Variants in RSBN1L observed in about 807,000 individuals in gnomAD.
The protein encoded by RSBN1L is lysine-specific demethylase RSBN1L.
In RSBN1L, 30 loss-of-function variants were observed where a neutral mutation model predicts 67.7. The observed-to-expected ratio is 0.44, with a 90% CI of 0.33 to 0.60. The LOEUF (loss-of-function observed/expected upper bound fraction) is 0.60, where lower values mean the gene tolerates loss of function less well. Among genes scored for constraint, RSBN1L ranks in the 20% least tolerant of loss-of-function variants. RSBN1L has a pLI of 0.02. For synonymous variants in RSBN1L, 433 were observed against 387.0 expected, an observed-to-expected ratio of 1.12 and a Z score of -1.39; for missense variants, 992 against 1,031.7, an observed-to-expected ratio of 0.96 and a Z score of 0.53.
intron 3 of RSBN1L, among the ~76,000 whole-genome samples, chr7:77,756,385 G>A (rs1240668364): frequency 1.3e-5 from 2 of 151,982 alleles, no homozygotes; most frequent in East Asian, 1.9e-4. Context: ...TACCTGCCTC[G>A]GCCTCCCAAA....
chr7:77,754,230 C>A (rs141214657), intron 3 of RSBN1L, among the ~76,000 whole-genome samples: 1 of 152,142 alleles, frequency 6.6e-6, no homozygotes, highest in Non-Finnish European at 1.5e-5. Context: ...AATCTAGAAT[C>A]GGTTTGCCAG....
intron 5 of RSBN1L, 117 bp downstream of exon 5, chr7:77,768,920 A>C: frequency 1.2e-6 from 1 of 838,170 alleles, no homozygotes; most frequent in Non-Finnish European, 1.9e-6. Flanking sequence ...TTGGAATATA[A>C]ATTTAAAAAT....
At chr7:77,740,093 A>G (rs1791389598) in intron 2 of RSBN1L, among the ~76,000 whole-genome samples, 2 of 152,038 alleles carry the variant, frequency 1.3e-5, no homozygotes, top group South Asian at 4.1e-4. Flanking sequence ...AAAATTATAT[A>G]TATGATAAAA....
chr7:77,776,232 T>A (rs76207668), intron 6 of RSBN1L, among the ~76,000 whole-genome samples: 1,904 of 120,034 alleles, frequency 0.016, 37 homozygotes, highest in African/African-American at 0.072. Flanking sequence ...CCTGTCAGTT[T>A]TTCTAGGTTT....
At chr7:77,699,626 C>A (rs1204480100) in intron 1 of RSBN1L, among the ~76,000 whole-genome samples, 1 of 152,112 alleles carries the variant, frequency 6.6e-6, no homozygotes, top group Non-Finnish European at 1.5e-5. Context: ...GAATGCTGAA[C>A]AAGAGAATTA....
intron 3 of RSBN1L, among the ~76,000 whole-genome samples, chr7:77,758,723 T>C (rs953111227): frequency 2.6e-5 from 4 of 152,092 alleles, no homozygotes; most frequent in African/African-American, 9.7e-5. Context: ...TCGTTTTAGG[T>C]TTTCTAGCAT....
At chr7:77,758,773 C>T (rs2150429120) in intron 3 of RSBN1L, among the ~76,000 whole-genome samples, 1 of 152,236 alleles carries the variant, frequency 6.6e-6, no homozygotes, top group East Asian at 1.9e-4. Flanking sequence ...ATTTATTGTG[C>T]TCCTGTGTTC....
intron 2 of RSBN1L, among the ~76,000 whole-genome samples, chr7:77,746,469 C>G (rs1791485355): frequency 6.6e-6 from 1 of 152,150 alleles, no homozygotes; most frequent in Non-Finnish European, 1.5e-5. Context: ...GCCCCACCTT[C>G]AATTGTAATT....
At chr7:77,732,429 T>A (rs1295187605) in intron 1 of RSBN1L, among the ~76,000 whole-genome samples, 1 of 152,096 alleles carries the variant, frequency 6.6e-6, no homozygotes. Context: ...GCCTCCTGGG[T>A]TCCAGTGATT....
intron 3 of RSBN1L, among the ~76,000 whole-genome samples, chr7:77,765,187 A>G (rs1405243958): frequency 6.6e-6 from 1 of 152,184 alleles, no homozygotes. Context: ...CCTCTGTTCT[A>G]AGGAGATGTT....
At chr7:77,704,077 G>A (rs2150411537) in intron 1 of RSBN1L, among the ~76,000 whole-genome samples, 1 of 152,252 alleles carries the variant, frequency 6.6e-6, no homozygotes, top group East Asian at 1.9e-4. Context: ...CATTCATAAG[G>A]GATGCTAGTT....
intron 6 of RSBN1L, chr7:77,773,517 C>T (rs1194318637): frequency 1.4e-5 from 5 of 354,112 alleles, no homozygotes; most frequent in Non-Finnish European, 2.5e-5. Context: ...GTAATCGCAG[C>T]ACTTTGGGAG....
intron 2 of RSBN1L, 141 bp from the exon 3 acceptor site, chr7:77,749,283 A>G (rs1791523204): frequency 1.6e-6 from 1 of 641,532 alleles, no homozygotes; most frequent in South Asian, 2.5e-5. Context: ...TTGATTATCA[A>G]TTCTGTAAAA....
At chr7:77,707,022 ATTTT>A (rs1034017450) in intron 1 of RSBN1L, among the ~76,000 whole-genome samples, 2 of 137,666 alleles carry the variant, frequency 1.5e-5, no homozygotes, top group Non-Finnish European at 3.1e-5. Context: ...ATTAAACTAG[ATTTT>A]TTTTTTTTTT....
At chr7:77,720,623 G>C (rs1791103080) in intron 1 of RSBN1L, among the ~76,000 whole-genome samples, 1 of 152,088 alleles carries the variant, frequency 6.6e-6, no homozygotes, top group Non-Finnish European at 1.5e-5. Flanking sequence ...GCACAACACG[G>C]TTAAGTAACT....
At chr7:77,750,556 G>A (rs989055839) in intron 3 of RSBN1L, among the ~76,000 whole-genome samples, 2 of 152,056 alleles carry the variant, frequency 1.3e-5, no homozygotes, top group African/African-American at 4.8e-5. Context: ...GTAGCAATCA[G>A]TATATTGAGC....
chr7:77,718,235 G>T (rs982448279), intron 1 of RSBN1L, among the ~76,000 whole-genome samples: 1 of 152,118 alleles, frequency 6.6e-6, no homozygotes, highest in Non-Finnish European at 1.5e-5. Flanking sequence ...TGTGTTTATA[G>T]CTCTGACATT....
chr7:77,758,194 C>G (rs1203072719), intron 3 of RSBN1L, among the ~76,000 whole-genome samples: 1 of 152,062 alleles, frequency 6.6e-6, no homozygotes, highest in Admixed American at 6.6e-5. Flanking sequence ...TTTAACAGGT[C>G]ATTGTCCAGG....
At chr7:77,700,608 A>G (rs1790803370) in intron 1 of RSBN1L, among the ~76,000 whole-genome samples, 1 of 152,196 alleles carries the variant, frequency 6.6e-6, no homozygotes, top group African/African-American at 2.4e-5. Context: ...GTTACTGTAC[A>G]ATTTTAGGTT....
Sources: allele counts gnomAD v4.1 joint callset (sites outside exome capture counted in the v4.1 genomes callset), GRCh38; gene constraint gnomAD v4.1.1; transcripts MANE v1.5; gene names NCBI Gene and HGNC (gene_info 2026-07-23, HGNC 2026-07-21).